Variants in GRIK4 observed in about 807,000 individuals in gnomAD.
GRIK4 encodes glutamate ionotropic receptor kainate type subunit 4.
GRIK4 carries 40 observed loss-of-function variants against 104.9 expected under a neutral mutation model. The ratio of observed to expected loss-of-function variants is 0.38; its 90% CI spans 0.30 to 0.50. The LOEUF (loss-of-function observed/expected upper bound fraction) is 0.50. Ranked by LOEUF, GRIK4 falls within the 20% of genes least tolerant of loss-of-function variation. GRIK4 has a pLI of 0.93. For missense variants in GRIK4, 1,047 were observed against 1,308.1 expected (o/e 0.80, Z 3.08); for synonymous variants, 485 against 524.9 (o/e 0.92, Z 1.04).
At chr11:120,971,080 C>T (rs1036741057) in intron 19 of GRIK4, among the ~76,000 whole-genome samples, 10 of 152,158 alleles carry the variant, frequency 6.6e-5, no homozygotes, top group Non-Finnish European at 1.0e-4. Context: ...TTTATGGCAA[C>T]GAATTTTATT....
intron 11 of GRIK4, among the ~76,000 whole-genome samples, chr11:120,880,171 G>A (rs1012017073): frequency 1.3e-5 from 2 of 152,122 alleles, no homozygotes; most frequent in African/African-American, 4.8e-5. Context: ...AATGGAGGTC[G>A]TAACCTCCCA....
At chr11:120,934,918 C>A (rs1031851882) in intron 13 of GRIK4, among the ~76,000 whole-genome samples, 2 of 152,278 alleles carry the variant, frequency 1.3e-5, no homozygotes, top group African/African-American at 4.8e-5. Flanking sequence ...TTCCATCCCC[C>A]CTGGGTTACG....
chr11:120,772,542 A>G (rs1951966820), intron 3 of GRIK4, among the ~76,000 whole-genome samples: 1 of 152,200 alleles, frequency 6.6e-6, no homozygotes, highest in African/African-American at 2.4e-5. Flanking sequence ...AGGGCAGGAA[A>G]CAGTGGCTTA....
At chr11:120,782,285 C>CTTT (rs1264123873) in intron 3 of GRIK4, among the ~76,000 whole-genome samples, 84 of 132,700 alleles carry the variant, frequency 6.3e-4, no homozygotes, top group South Asian at 2.0e-3. Flanking sequence ...GCCAGTATGA[C>CTTT]TTTTTTTTTT....
At chr11:120,578,761 G>A (rs938757214) in intron 1 of GRIK4, among the ~76,000 whole-genome samples, 4 of 152,194 alleles carry the variant, frequency 2.6e-5, no homozygotes, top group South Asian at 4.1e-4. Context: ...CCCTCCCGGC[G>A]AACGCCCCGC....
chr11:120,795,835 TC>T, intron 3 of GRIK4, among the ~76,000 whole-genome samples: 2 of 152,206 alleles, frequency 1.3e-5, no homozygotes, highest in South Asian at 4.2e-4. Flanking sequence ...GATACTAAAA[TC>T]GGGGACACTC....
intron 1 of GRIK4, among the ~76,000 whole-genome samples, chr11:120,592,423 A>G (rs2135114817): frequency 6.6e-6 from 1 of 152,344 alleles, no homozygotes; most frequent in Middle Eastern, 3.4e-3. Flanking sequence ...AACCCTGAGA[A>G]CAAGAACGAA....
chr11:120,744,698 G>A (rs1951408948), intron 3 of GRIK4, among the ~76,000 whole-genome samples: 2 of 152,304 alleles, frequency 1.3e-5, no homozygotes, highest in South Asian at 2.1e-4. Context: ...AAAGACTCAC[G>A]AGGAGATTTA....
chr11:120,650,174 G>A (rs1401104673), intron 1 of GRIK4, among the ~76,000 whole-genome samples: 1 of 152,172 alleles, frequency 6.6e-6, no homozygotes. Flanking sequence ...CTGGAGATGG[G>A]AGCTGCGGGC....
intron 3 of GRIK4, among the ~76,000 whole-genome samples, chr11:120,782,000 T>G (rs1371688499): frequency 6.6e-6 from 1 of 152,148 alleles, no homozygotes; most frequent in Non-Finnish European, 1.5e-5. Context: ...TTCCTCTCTC[T>G]CCTATGGCTT....
At chr11:120,649,980 C>G (rs144795379) in intron 1 of GRIK4, among the ~76,000 whole-genome samples, 1 of 152,178 alleles carries the variant, frequency 6.6e-6, no homozygotes. Flanking sequence ...TTGCCAGGAG[C>G]GCATGTCCCC....
At position 120,970,897 on chromosome 11, in the gene GRIK4, C is replaced by G. The variant is rs532150592; in HGVS notation, c.2395+3574C>G. ...GATAGGTTTTGAATGGACATTGGGT[C>G]AAATGGACTTCACTCCATAGATGCC... On this transcript the variant is annotated intron_variant, in intron 19 of 20. Coordinates refer to ENST00000527524, the MANE Select transcript of GRIK4 (RefSeq NM_014619.5). Among the ~76,000 whole-genome samples the G allele has an allele frequency of 3.9e-5, 6 of 152,242 alleles. No homozygotes were observed. In the South Asian group the frequency reaches 1.2e-3, roughly 32 times the overall value.
At chr11:120,595,198 G>A (rs1427959896) in intron 1 of GRIK4, among the ~76,000 whole-genome samples, 3 of 152,212 alleles carry the variant, frequency 2.0e-5, no homozygotes, top group Non-Finnish European at 4.4e-5. Flanking sequence ...GCCCGTGGTC[G>A]TGCTGTGCCC....
chr11:120,734,998 G>A (rs940866789), intron 3 of GRIK4, among the ~76,000 whole-genome samples: 1 of 152,070 alleles, frequency 6.6e-6, no homozygotes, highest in African/African-American at 2.4e-5. Flanking sequence ...GAATTTCTTT[G>A]AGTTTCCTCA....
chr11:120,619,384 A>G (rs1316456922), intron 1 of GRIK4, among the ~76,000 whole-genome samples: 4 of 152,200 alleles, frequency 2.6e-5, no homozygotes, highest in Non-Finnish European at 4.4e-5. Flanking sequence ...GACTTCCTTT[A>G]TCTCAAATGA....
At chr11:120,558,682 GC>G (rs1214323131) in intron 1 of GRIK4, among the ~76,000 whole-genome samples, 1 of 152,224 alleles carries the variant, frequency 6.6e-6, no homozygotes, top group African/African-American at 2.4e-5. Flanking sequence ...CAAGAGACAG[GC>G]ATTTATACAC....
chr11:120,539,695 A>T (rs1948012937), intron 1 of GRIK4, among the ~76,000 whole-genome samples: 1 of 152,216 alleles, frequency 6.6e-6, no homozygotes, highest in Non-Finnish European at 1.5e-5. Context: ...AAGCCATGTC[A>T]GCATCTCCCA....
At chr11:120,883,869 C>T (rs952636712) in intron 11 of GRIK4, among the ~76,000 whole-genome samples, 5 of 152,234 alleles carry the variant, frequency 3.3e-5, no homozygotes, top group Admixed American at 2.0e-4. Context: ...TTCCGTGCCT[C>T]TTCAGCCAGC....
chr11:120,544,142 G>C (rs2252771), intron 1 of GRIK4, among the ~76,000 whole-genome samples: 124,005 of 152,196 alleles, frequency 0.81, 50,950 homozygotes, highest in African/African-American at 0.93. Context: ...TCTTACCATA[G>C]ACATATGAAA....
Sources: allele counts gnomAD v4.1 joint callset (sites outside exome capture counted in the v4.1 genomes callset), GRCh38; gene constraint gnomAD v4.1.1; transcripts MANE v1.5; gene names NCBI Gene and HGNC (gene_info 2026-07-23, HGNC 2026-07-21).